GRIN2B: variants seen among roughly 807,000 people sequenced by gnomAD.
The protein encoded by GRIN2B is glutamate ionotropic receptor NMDA type subunit 2B.
In GRIN2B, 5 loss-of-function variants were observed where a neutral mutation model predicts 114.5. The observed-to-expected ratio is 0.04, with a 90% CI of 0.02 to 0.09. The LOEUF is 0.09. Ranked by LOEUF, GRIN2B falls within the 10% of genes least tolerant of loss-of-function variation. The probability of loss-of-function intolerance (pLI) is 1.00; values close to 1 mark genes in which losing one functional copy is unlikely to be tolerated. For synonymous variants in GRIN2B, 787 were observed against 745.1 expected, an observed-to-expected ratio of 1.06 and a Z score of -0.92; for missense variants, 1,108 against 1,943.5, an observed-to-expected ratio of 0.57 and a Z score of 8.08.
chr12:13,560,504 T>G lies in GRIN2B; in HGVS notation c.*2279A>C, dbSNP rs1461580723. 2.6e-5 allele frequency: 4 copies of G among 152,200 alleles called. No homozygotes were observed. Among genetic ancestry groups the G allele is most frequent in the Non-Finnish European group, 5.9e-5 (4 of 68,084 alleles). The allele number at this position is 152,200 out of a possible 1,614,324, so 9.4% of individuals were successfully genotyped here. A position where few individuals can be genotyped will look rare whatever the true frequency, so the allele number is the denominator to read the frequency against. ...CTGTTCGCTAGGTTAGTTGGTTTGG[T>G]TTTTTTGTTTGAAAGGGGTGAGGTA... On this transcript the variant is annotated 3_prime_UTR_variant, in exon 14 of 14. Transcript: ENST00000609686.
chr12:13,676,181 G>A (rs1447816364), intron 4 of GRIN2B, among the ~76,000 whole-genome samples: 2 of 152,060 alleles, frequency 1.3e-5, no homozygotes, highest in Non-Finnish European at 2.9e-5. Flanking sequence ...ACACACTGGG[G>A]CCTGTAGGCA....
chr12:13,796,233 A>C (rs1160123022), intron 3 of GRIN2B, among the ~76,000 whole-genome samples: 1 of 152,216 alleles, frequency 6.6e-6, no homozygotes, highest in Non-Finnish European at 1.5e-5. Context: ...ACACATTTTT[A>C]ATGTTGTAAA....
chr12:13,962,089 TACACACAC>T lies in GRIN2B; in HGVS notation c.-19+17831_-19+17838del, dbSNP rs143658576. 4.3e-4 allele frequency among the ~76,000 whole-genome samples: 62 copies of T among 145,344 alleles called. No individual in the cohort carries two copies. The East Asian group carries it at 7.5e-3, about 18-fold the overall frequency. ...TCTCAGATTCTGTCTCTCTCATACA[TACACACAC>T]ACACACACACACACACACACACACG... On this transcript the variant is annotated intron_variant, in intron 2 of 13. Coordinates refer to ENST00000609686, the MANE Select transcript of GRIN2B (RefSeq NM_000834.5).
intron 2 of GRIN2B, among the ~76,000 whole-genome samples, chr12:13,934,452 A>G (rs1019751846): frequency 6.6e-6 from 1 of 152,246 alleles, no homozygotes; most frequent in African/African-American, 2.4e-5. Context: ...TTTAGAATTA[A>G]TGAAACCAAG....
At chr12:13,724,829 G>C (rs1289567774) in intron 4 of GRIN2B, among the ~76,000 whole-genome samples, 1 of 152,088 alleles carries the variant, frequency 6.6e-6, no homozygotes, top group Admixed American at 6.6e-5. Context: ...AAGACAGGCT[G>C]CTTCTAAGAA....
chr12:13,943,880 G>A (rs942184478), intron 2 of GRIN2B, among the ~76,000 whole-genome samples: 1 of 152,022 alleles, frequency 6.6e-6, no homozygotes, highest in African/African-American at 2.4e-5. Context: ...TTCCCATTAC[G>A]ATGAAAGCTT....
At chr12:13,651,048 G>A (rs1489280905) in intron 5 of GRIN2B, among the ~76,000 whole-genome samples, 1 of 152,054 alleles carries the variant, frequency 6.6e-6, no homozygotes, top group Admixed American at 6.6e-5. Flanking sequence ...GCAAATCTGT[G>A]CTGGGATCTT....
rs578159604 is a variant in GRIN2B at position 13,709,305 on chromosome 12, C to T, written c.1011-33446G>A. ...CAGCATACAAAGAACCATAACATGTCGGCTTGTACAAGAAAAAAACAATTG... is the reference window on the plus strand; with the variant it reads ...CAGCATACAAAGAACCATAACATGTTGGCTTGTACAAGAAAAAAACAATTG... On this transcript the variant is annotated intron_variant, in intron 4 of 13. Coordinates refer to ENST00000609686, the MANE Select transcript of GRIN2B (RefSeq NM_000834.5). Among the ~76,000 whole-genome samples the T allele has an allele frequency of 1.1e-4, 16 of 152,014 alleles. No homozygotes were observed. In the East Asian group the frequency reaches 1.7e-3, roughly 17 times the overall value.
chr12:13,760,774 G>A (rs1449317430), intron 3 of GRIN2B, among the ~76,000 whole-genome samples: 2 of 152,128 alleles, frequency 1.3e-5, no homozygotes, highest in Non-Finnish European at 1.5e-5. Flanking sequence ...CAGAGTAGAA[G>A]CAGAATATGG....
chr12:13,958,247 A>C (rs1867627187), intron 2 of GRIN2B, among the ~76,000 whole-genome samples: 2 of 152,204 alleles, frequency 1.3e-5, no homozygotes, highest in African/African-American at 2.4e-5. Flanking sequence ...AATGGCACTG[A>C]AGTGGACTAA....
At chr12:13,606,386 C>A (rs924362171) in intron 10 of GRIN2B, among the ~76,000 whole-genome samples, 1 of 152,048 alleles carries the variant, frequency 6.6e-6, no homozygotes, top group South Asian at 2.1e-4. Flanking sequence ...GGGGAGGTGC[C>A]AGACTCTTTT....
At chr12:13,736,500 C>T (rs1236672044) in intron 4 of GRIN2B, among the ~76,000 whole-genome samples, 4 of 152,150 alleles carry the variant, frequency 2.6e-5, no homozygotes, top group African/African-American at 9.7e-5. Context: ...AATGTAGTAG[C>T]TACATCTCAT....
chr12:13,852,127 G>T (rs766557372), intron 3 of GRIN2B, among the ~76,000 whole-genome samples: 3 of 152,206 alleles, frequency 2.0e-5, no homozygotes, highest in East Asian at 1.9e-4. Flanking sequence ...GGACTTGGGG[G>T]TATGCCAGGA....
intron 5 of GRIN2B, among the ~76,000 whole-genome samples, chr12:13,642,471 G>A (rs934437516): frequency 2.6e-5 from 4 of 151,990 alleles, no homozygotes; most frequent in Admixed American, 6.6e-5. Context: ...CATCAAATGT[G>A]CCTTCCAGAT....
intron 3 of GRIN2B, among the ~76,000 whole-genome samples, chr12:13,808,647 G>T (rs893307821): frequency 2.0e-5 from 3 of 151,406 alleles, no homozygotes; most frequent in African/African-American, 7.3e-5. Context: ...TAATGTAAAT[G>T]ATGAGTTAAT....
chr12:13,865,851 G>T lies in GRIN2B; in HGVS notation c.358C>A (p.Leu120Ile), dbSNP rs1865818010. 3 of 1,614,020 alleles carry T rather than the reference G, an allele frequency of 1.9e-6. No individual in the cohort carries two copies. Among genetic ancestry groups the T allele is most frequent in the Non-Finnish European group, 2.5e-6 (3 of 1,179,950 alleles). The change falls in exon 3 of 14, where the codon CTC (leucine) becomes ATC (isoleucine). Residue 120 changes from leucine to isoleucine, a missense_variant. By Grantham distance (5) the Leu-to-Ile change is conservative. Around this residue, in one of 19 missense-constraint regions of GRIN2B, gnomAD observed 199 missense variants for 439.6 expected, o/e 0.45. Transcript: ENST00000609686. ...CCGTGGATGCCCAGGATGGGGGTGAGAGTCTGTGCTGAAATGAAATCGAGG... is the reference window on the plus strand; with the variant it reads ...CCGTGGATGCCCAGGATGGGGGTGATAGTCTGTGCTGAAATGAAATCGAGG... ...QILDFISAQT[L>I]TPILGIHGGS...
intron 3 of GRIN2B, among the ~76,000 whole-genome samples, chr12:13,797,231 G>A (rs1254247666): frequency 6.6e-6 from 1 of 152,012 alleles, no homozygotes; most frequent in East Asian, 1.9e-4. Flanking sequence ...TGATGGAAGG[G>A]GCAAAAGTTC....
chr12:13,971,163 T>G (rs1165273613), intron 2 of GRIN2B, among the ~76,000 whole-genome samples: 1 of 152,202 alleles, frequency 6.6e-6, no homozygotes, highest in African/African-American at 2.4e-5. Flanking sequence ...CTCCTAAATA[T>G]TTAGTGCCTC....
rs1948416503 is a variant in GRIN2B, at chr12:13,551,765, C to T, written c.*11018G>A. 1.3e-5 allele frequency: 2 copies of T among 152,142 alleles called. No homozygotes were observed. The highest frequency in any genetic ancestry group is 6.5e-5 in the Admixed American group (1 of 15,280). 9.4% of individuals were successfully genotyped at this position (152,142 alleles called of 1,614,324 possible). On this transcript the variant is annotated 3_prime_UTR_variant, in exon 14 of 14. Transcript: ENST00000609686. ...ATATCTGAGAGCAAAGTATAAACTA[C>T]TGAGAGTATAACTCAGCCAGAGGCA... is the stretch of plus-strand genomic sequence containing the variant.
Sources: gnomAD v4.1 joint callset for allele counts (sites outside exome capture counted in the v4.1 genomes callset) on GRCh38, gnomAD v4.1.1 for gene constraint, gnomAD v4.1.1 regional missense constraint, MANE v1.5 for transcripts, NCBI Gene and HGNC (gene_info 2026-07-23, HGNC 2026-07-21) for gene names.